ZNF800: variants seen among roughly 807,000 people sequenced by gnomAD.
ZNF800 encodes zinc finger protein 800.
ZNF800 carries 13 observed loss-of-function variants against 59.5 expected under a neutral mutation model. The ratio of observed to expected loss-of-function variants is 0.22; its 90% CI spans 0.14 to 0.35. ZNF800 has a LOEUF of 0.35. ZNF800 is among the 10% of genes least tolerant of loss of function. ZNF800 has a pLI of 1.00. For synonymous variants in ZNF800, 266 were observed against 265.7 expected (o/e 1.00, Z -0.01); for missense variants, 621 against 783.7 (o/e 0.79, Z 2.48).
At chr7:127,353,017 G>C (rs531770569) in intron 1 of ZNF800, among the ~76,000 whole-genome samples, 1 of 152,228 alleles carries the variant, frequency 6.6e-6, no homozygotes, top group East Asian at 1.9e-4. Context: ...AGTTTTTACA[G>C]CAGATAAGGC....
downstream of ZNF800, among the ~76,000 whole-genome samples, chr7:127,345,362 G>A (rs1277802437): frequency 6.6e-6 from 1 of 152,024 alleles, no homozygotes; most frequent in East Asian, 1.9e-4. Flanking sequence ...TTAGAGTGAT[G>A]AAGGAAACAA....
In ZNF800 at chr7:127,374,371, A is replaced by C. The variant is rs757618541; in HGVS notation, c.965T>G (p.Ile322Arg). The change falls in exon 5 of 6, where the codon ATA becomes AGA. Residue 322 changes from isoleucine (I) to arginine (R), a missense_variant. Ile to Arg is a moderately conservative substitution (Grantham distance 97). Around this residue, in one of 7 missense-constraint regions of ZNF800, gnomAD observed 185 missense variants for 177.6 expected, o/e 1.04. Coordinates refer to ENST00000265827, the MANE Select transcript of ZNF800 (RefSeq NM_176814.5). ...GLRRDSITPD[I>R]ATKPGQPLFL... ...CAAAGGTTGCCCAGGCTTTGTTGCT[A>C]TATCAGGAGTAATTGAATCCCTCCT... 2 of 1,613,918 alleles carry C rather than the reference A, an allele frequency of 1.2e-6. No homozygotes were observed. The highest frequency in any genetic ancestry group is 3.3e-5 in the Admixed American group (2 of 60,012).
chr7:127,362,116 G>A (rs947461237), intron 1 of ZNF800: 2 of 152,064 alleles, frequency 1.3e-5, no homozygotes, highest in Non-Finnish European at 2.9e-5. Context: ...ATTATTCCAA[G>A]CCCCAGTGTA....
intron 5 of ZNF800, among the ~76,000 whole-genome samples, chr7:127,372,346 G>A (rs1368830469): frequency 6.6e-6 from 1 of 151,868 alleles, no homozygotes; most frequent in African/African-American, 2.4e-5. Flanking sequence ...CGGGTGTGGT[G>A]GCTTATGCCT....
intron 1 of ZNF800, among the ~76,000 whole-genome samples, chr7:127,349,462 T>C (rs1158527838): frequency 2.0e-5 from 3 of 152,212 alleles, no homozygotes; most frequent in African/African-American, 7.2e-5. Context: ...GTTTCAGATA[T>C]ATTTTAAGCT....
At chr7:127,381,529 G>T (rs1281912973) in intron 3 of ZNF800, among the ~76,000 whole-genome samples, 2 of 151,926 alleles carry the variant, frequency 1.3e-5, no homozygotes, top group Non-Finnish European at 2.9e-5. Context: ...CCTACTTGGG[G>T]AATCTTTTAG....
intron 3 of ZNF800, among the ~76,000 whole-genome samples, chr7:127,382,826 C>T (rs1472779724): frequency 6.6e-6 from 1 of 152,172 alleles, no homozygotes; most frequent in Non-Finnish European, 1.5e-5. Context: ...TAAAAGGTCT[C>T]TGGAAGAAGA....
chr7:127,367,082 C>T (rs1458193288), downstream of ZNF800, among the ~76,000 whole-genome samples: 3 of 152,072 alleles, frequency 2.0e-5, no homozygotes, highest in Admixed American at 6.6e-5. Flanking sequence ...AGCAGAGAAG[C>T]AATACTTCTG....
intron 3 of ZNF800, among the ~76,000 whole-genome samples, chr7:127,385,440 A>C (rs1801109257): frequency 6.6e-6 from 1 of 152,190 alleles, no homozygotes; most frequent in African/African-American, 2.4e-5. Context: ...CTATTTTAAA[A>C]CACTGGATTA....
chr7:127,384,388 C>T lies in ZNF800; in HGVS notation c.157+1672G>A, dbSNP rs17864209. Among the ~76,000 whole-genome samples, 637 of 151,698 alleles carry T rather than the reference C, an allele frequency of 4.2e-3. 5 individuals carry two copies. Among genetic ancestry groups the T allele is most frequent in the African/African-American group, 0.015 (606 of 41,424 alleles). ...AGCTGAGACTACAGGCGCCCGCCGC[C>T]GCCCCCCAGCTAATTTTTTGTATTT... On this transcript the variant is annotated intron_variant, in intron 3 of 5. Transcript: ENST00000265827.
downstream of ZNF800, among the ~76,000 whole-genome samples, chr7:127,369,091 T>C (rs1002250937): frequency 6.6e-6 from 1 of 151,388 alleles, no homozygotes; most frequent in Non-Finnish European, 1.5e-5. Context: ...AATGAACACC[T>C]GCCCAATGTC....
rs1293642174 is a variant in ZNF800, at chr7:127,371,722, T to C, written c.*92A>G. 4 of 671,618 alleles carry C rather than the reference T, an allele frequency of 6.0e-6. No homozygotes were observed. Among genetic ancestry groups the C allele is most frequent in the African/African-American group, 3.7e-5 (2 of 54,322 alleles). The allele number at this position is 671,618 out of a possible 1,614,324, so 41.6% of individuals were successfully genotyped here. ...AATGTTTTTCTTTTTTTCCTCATAG[T>C]ACCATTTGAAGATGTTTAGTGGTTC... On this transcript the variant is annotated 3_prime_UTR_variant, in exon 6 of 6. Coordinates refer to ENST00000265827, the MANE Select transcript of ZNF800 (RefSeq NM_176814.5).
chr7:127,352,718 A>G (rs1490409388), intron 1 of ZNF800, among the ~76,000 whole-genome samples: 3 of 152,234 alleles, frequency 2.0e-5, no homozygotes, highest in Non-Finnish European at 2.9e-5. Context: ...ATACACTACT[A>G]TGAAGCCGGT....
intron 2 of ZNF800, among the ~76,000 whole-genome samples, chr7:127,389,716 G>A (rs1448449605): frequency 6.6e-5 from 10 of 152,108 alleles, no homozygotes. Flanking sequence ...AACTACTGTT[G>A]ACGTGATAAG....
chr7:127,371,885 C>T (rs528644877), intron 5 of ZNF800, 71 bp from the exon 6 acceptor site: 14 of 663,604 alleles, frequency 2.1e-5, no homozygotes, highest in Non-Finnish European at 3.9e-5. Flanking sequence ...AACTATGCAA[C>T]AGTAAATTAC....
chr7:127,367,286 A>T (rs1415852345), downstream of ZNF800, among the ~76,000 whole-genome samples: 2 of 152,164 alleles, frequency 1.3e-5, no homozygotes, highest in African/African-American at 4.8e-5. Flanking sequence ...CTTAGAAGCT[A>T]CCAAGTAAAA....
chr7:127,381,746 C>G (rs1215638169), intron 3 of ZNF800, among the ~76,000 whole-genome samples: 1 of 151,832 alleles, frequency 6.6e-6, no homozygotes, highest in Admixed American at 6.6e-5. Context: ...AAAAAAGTCC[C>G]ATTTTAAATT....
chr7:127,392,474 C>A lies in ZNF800; in HGVS notation c.-473G>T. ...GGCTGCCGCCGCAACCCGGGTCCCA[C>A]CAGCGCCGCTCCACCTGCAACGGTC... On this transcript the variant is annotated 5_prime_UTR_variant, in exon 1 of 6. Transcript: ENST00000265827. 2.7e-6 allele frequency: 1 copy of A among 363,722 alleles called. No individual in the cohort carries two copies. The highest frequency in any genetic ancestry group is 4.9e-6 in the Non-Finnish European group (1 of 203,858). 22.5% of individuals were successfully genotyped at this position (363,722 alleles called of 1,614,324 possible).
intron 2 of ZNF800, among the ~76,000 whole-genome samples, chr7:127,389,758 T>C (rs1347991470): frequency 6.6e-6 from 1 of 152,140 alleles, no homozygotes; most frequent in Non-Finnish European, 1.5e-5. Context: ...AAAAAGTTTC[T>C]AGTAAAAGAT....
Sources: gnomAD v4.1 joint callset for allele counts (sites outside exome capture counted in the v4.1 genomes callset) on GRCh38, gnomAD v4.1.1 for gene constraint, gnomAD v4.1.1 regional missense constraint, MANE v1.5 for transcripts, NCBI Gene and HGNC (gene_info 2026-07-23, HGNC 2026-07-21) for gene names.